FHOD3: variants seen among roughly 807,000 people sequenced by gnomAD.
The protein encoded by FHOD3 is formin homology 2 domain containing 3.
FHOD3 carries 90 observed loss-of-function variants against 173.0 expected under a neutral mutation model. The ratio of observed to expected loss-of-function variants is 0.52; its 90% CI spans 0.44 to 0.62. The LOEUF (loss-of-function observed/expected upper bound fraction) is 0.62. Among genes scored for constraint, FHOD3 ranks in the 20% least tolerant of loss-of-function variants. The pLI is 0.00. For missense variants in FHOD3, 1,945 were observed against 2,034.7 expected, an observed-to-expected ratio of 0.96 and a Z score of 0.85; for synonymous variants, 828 against 823.0, an observed-to-expected ratio of 1.01 and a Z score of -0.10.
intron 1 of FHOD3, among the ~76,000 whole-genome samples, chr18:36,304,894 C>G (rs912791152): frequency 1.3e-5 from 2 of 152,212 alleles, no homozygotes; most frequent in Non-Finnish European, 2.9e-5. Context: ...GACATGCCTG[C>G]ATAGCCACAC....
intron 14 of FHOD3, among the ~76,000 whole-genome samples, chr18:36,675,539 C>G (rs1019199156): frequency 6.6e-6 from 1 of 152,184 alleles, no homozygotes; most frequent in Non-Finnish European, 1.5e-5. Context: ...GTGCCAGGAG[C>G]CTCCTATGCC....
intron 6 of FHOD3, among the ~76,000 whole-genome samples, chr18:36,577,235 C>T (rs2058687485): frequency 6.6e-6 from 1 of 152,144 alleles, no homozygotes; most frequent in South Asian, 2.1e-4. Context: ...TACCTTTCAG[C>T]TCTAACATCA....
chr18:36,335,259 G>A (rs900997345), intron 1 of FHOD3, among the ~76,000 whole-genome samples: 25 of 152,258 alleles, frequency 1.6e-4, no homozygotes, highest in African/African-American at 4.8e-4. Flanking sequence ...ACTTTGGGAG[G>A]CCGAGGCGGG....
In FHOD3 at chr18:36,336,949, A is replaced by G. The variant is rs1424234052; in HGVS notation, c.166-18590A>G. 4.7e-5 allele frequency among the ~76,000 whole-genome samples: 7 copies of G among 149,708 alleles called. No individual in the cohort carries two copies. In the East Asian group the frequency reaches 1.4e-3, roughly 30 times the overall value. ...CACTTTGGGAGGCCAAAGTGAGTGG[A>G]TCTACTTGAGGCCAGGAGTTTGAGA... On this transcript the variant is annotated intron_variant, in intron 1 of 28. Transcript: ENST00000590592.
At chr18:36,654,118 T>A (rs1236509848) in intron 13 of FHOD3, among the ~76,000 whole-genome samples, 4 of 152,148 alleles carry the variant, frequency 2.6e-5, no homozygotes, top group African/African-American at 9.7e-5. Context: ...CCAAGGCAAG[T>A]CCTTGTCAGC....
At chr18:36,701,708 T>G (rs9961386) in intron 17 of FHOD3, among the ~76,000 whole-genome samples, 47,779 of 152,058 alleles carry the variant, frequency 0.31, 7,764 homozygotes, top group South Asian at 0.47. Flanking sequence ...GATTTGTATT[T>G]GGGGGTAACA....
At chr18:36,674,883 T>C (rs1464328578) in intron 14 of FHOD3, among the ~76,000 whole-genome samples, 1 of 152,208 alleles carries the variant, frequency 6.6e-6, no homozygotes, top group African/African-American at 2.4e-5. Context: ...TTGAGAATAC[T>C]CTATGATGCA....
chr18:36,397,090 GA>G (rs2048588924), intron 3 of FHOD3, among the ~76,000 whole-genome samples: 1 of 152,194 alleles, frequency 6.6e-6, no homozygotes, highest in African/African-American at 2.4e-5. Flanking sequence ...CCAGTTTTAA[GA>G]ATTCATAGAA....
rs2148623335 is a variant in FHOD3 at position 36,612,059 on chromosome 18, T to G, written c.921T>G (p.Thr307=). 6.2e-7 allele frequency: 1 copy of G among 1,614,148 alleles called. No individual in the cohort carries two copies. The part of the protein sequence containing the change: ...VSQRHLNKKG[T]DLDLVEQLNI... ...AGAGGCACTTGAACAAGAAAGGGACTGACCTGGACTTAGTGGAGCAACTCA... is the reference window on the plus strand; with the variant it reads ...AGAGGCACTTGAACAAGAAAGGGACGGACCTGGACTTAGTGGAGCAACTCA... Residue 307 remains threonine (T), a synonymous_variant, in exon 9 of 29, where the codon ACT becomes ACG. Coordinates refer to ENST00000590592, the MANE Select transcript of FHOD3 (RefSeq NM_001281740.3).
At chr18:36,312,526 A>G (rs1481521592) in intron 1 of FHOD3, among the ~76,000 whole-genome samples, 1 of 151,964 alleles carries the variant, frequency 6.6e-6, no homozygotes, top group Non-Finnish European at 1.5e-5. Context: ...ACAGACCCAT[A>G]CTGCCTCAGC....
chr18:36,382,577 A>C (rs912306524), intron 3 of FHOD3, among the ~76,000 whole-genome samples: 1 of 152,186 alleles, frequency 6.6e-6, no homozygotes, highest in African/African-American at 2.4e-5. Flanking sequence ...CAGAGGCAAA[A>C]AATGCTTGCT....
rs372094507 is a variant in FHOD3 at position 36,718,471 on chromosome 18, C to T, written c.3173C>T (p.Pro1058Leu). Reference protein sequence around the residue: ...PVPGNLLVPPPPVFNAPQGLG... With the variant: ...PVPGNLLVPPLPVFNAPQGLG... ...CCTGGTAATTTATTGGTTCCTCCTC[C>T]TCCAGTGTTCAACGCTCCTCAGGGC... Residue 1058 changes from proline to leucine, a missense_variant, in exon 19 of 29, where the codon CCT (proline) becomes CTT (leucine). Physicochemically the swap from Pro to Leu is moderately conservative, Grantham distance 98. Coordinates refer to ENST00000590592, the MANE Select transcript of FHOD3 (RefSeq NM_001281740.3). 3.7e-6 allele frequency: 6 copies of T among 1,613,386 alleles called. No homozygotes were observed. The highest frequency in any genetic ancestry group is 1.1e-5 in the South Asian group (1 of 91,046).
chr18:36,364,834 T>A (rs1426605921), intron 2 of FHOD3, among the ~76,000 whole-genome samples: 2 of 151,948 alleles, frequency 1.3e-5, no homozygotes, highest in South Asian at 4.2e-4. Flanking sequence ...CAAAGGCAAG[T>A]TGTGAGAGGA....
chr18:36,341,513 T>C (rs1598771127), intron 1 of FHOD3, among the ~76,000 whole-genome samples: 1 of 152,084 alleles, frequency 6.6e-6, no homozygotes, highest in South Asian at 2.1e-4. Context: ...AGGTGCAGGG[T>C]CTATGAAGGC....
At chr18:36,458,666 G>GTTT (rs35141522) in intron 3 of FHOD3, among the ~76,000 whole-genome samples, 13 of 104,714 alleles carry the variant, frequency 1.2e-4, no homozygotes, top group South Asian at 3.4e-4. Flanking sequence ...TTTTTGTTAG[G>GTTT]TTTTTTTTTT....
At chr18:36,457,184 G>A (rs2052268191) in intron 3 of FHOD3, among the ~76,000 whole-genome samples, 1 of 152,134 alleles carries the variant, frequency 6.6e-6, no homozygotes, top group Non-Finnish European at 1.5e-5. Flanking sequence ...GAACCTTGAG[G>A]ATATTTTGCT....
intron 5 of FHOD3, among the ~76,000 whole-genome samples, chr18:36,555,281 T>C (rs1332343137): frequency 6.6e-6 from 1 of 152,132 alleles, no homozygotes; most frequent in Non-Finnish European, 1.5e-5. Flanking sequence ...TTTGGTTTGT[T>C]CTTTAACCCT....
At chr18:36,662,370 GAA>G (rs1044312859) in intron 14 of FHOD3, among the ~76,000 whole-genome samples, 1 of 152,166 alleles carries the variant, frequency 6.6e-6, no homozygotes, top group Admixed American at 6.5e-5. Context: ...GAGGTTGTAG[GAA>G]CCTCAGGCCC....
chr18:36,509,899 G>C (rs914808268), intron 4 of FHOD3, among the ~76,000 whole-genome samples: 2 of 152,196 alleles, frequency 1.3e-5, no homozygotes, highest in African/African-American at 2.4e-5. Context: ...GAAGCTGCTT[G>C]TTACTAGAAG....
Sources: allele counts gnomAD v4.1 joint callset (sites outside exome capture counted in the v4.1 genomes callset), GRCh38; gene constraint gnomAD v4.1.1; transcripts MANE v1.5; gene names NCBI Gene and HGNC (gene_info 2026-07-23, HGNC 2026-07-21).